Variants in SYCE2 observed in about 807,000 individuals in gnomAD.
SYCE2 encodes the protein synaptonemal complex central element protein 2, also known as central element synaptonemal complex 1.
A neutral mutation model predicts 27.9 loss-of-function variants in SYCE2; 3 were observed. The observed-to-expected ratio is 0.11, with a 90% CI of 0.05 to 0.28. SYCE2 has a LOEUF of 0.28. Among genes scored for constraint, SYCE2 ranks in the 10% least tolerant of loss-of-function variants. The probability of loss-of-function intolerance (pLI) is 1.00; values close to 1 mark genes in which losing one functional copy is unlikely to be tolerated. For missense variants in SYCE2, 207 were observed against 263.5 expected (o/e 0.79, Z 1.48); for synonymous variants, 85 against 100.7 (o/e 0.84, Z 0.93).
At position 12,918,306 on chromosome 19, in the gene SYCE2, T is replaced by C; in HGVS notation, c.47A>G (p.Gln16Arg). Residue 16 changes from glutamine to arginine, a missense_variant, in exon 2 of 6, where the codon CAG becomes CGG. By Grantham distance (43) the Gln-to-Arg change is conservative (BLOSUM62 1). Coordinates refer to ENST00000293695, the MANE Select transcript of SYCE2 (RefSeq NM_001105578.2). ...VDVPHVKCKD[Q>R]EPQPLGESKE... ...GCTCTCCCCCAAGGGCTGCGGTTCC[T>C]GGTCTTTGCATTTCACATGGGGCAC... 6.2e-7 allele frequency: 1 copy of C among 1,614,184 alleles called. No homozygotes were observed. Among genetic ancestry groups the C allele is most frequent in the South Asian group, 1.1e-5 (1 of 91,086 alleles).
At chr19:12,918,675 C>T (rs1449465700) in intron 1 of SYCE2, among the ~76,000 whole-genome samples, 2 of 152,056 alleles carry the variant, frequency 1.3e-5, no homozygotes, top group Non-Finnish European at 2.9e-5. Context: ...GAGATGAGGC[C>T]GGGCGCGGTG....
chr19:12,900,429 GGC>G, intron 4 of SYCE2, 29 bp downstream of exon 4: 2 of 1,604,388 alleles, frequency 1.2e-6, no homozygotes, highest in Non-Finnish European at 8.5e-7. Context: ...CTCTTCCTCA[GGC>G]AGCGCCCCCC....
At chr19:12,915,627 C>T (rs1315541573) in intron 2 of SYCE2, among the ~76,000 whole-genome samples, 3 of 151,192 alleles carry the variant, frequency 2.0e-5, no homozygotes, top group Non-Finnish European at 2.9e-5. Context: ...AAAGGTGAAC[C>T]GTATGCTATG....
Position 12,899,248 on chromosome 19 carries a change from A to G in SYCE2, c.*93T>C, listed in dbSNP as rs1970772995. 1 of 1,183,972 alleles carries G rather than the reference A, an allele frequency of 8.4e-7. No individual in the cohort carries two copies. Among genetic ancestry groups the G allele is most frequent in the Non-Finnish European group, 1.3e-6 (1 of 794,672 alleles). 73.3% of individuals were successfully genotyped at this position (1,183,972 alleles called of 1,614,324 possible). A position where few individuals can be genotyped will look rare whatever the true frequency, so the allele number is the denominator to read the frequency against. ...TTTTTCTGCCAAGATGCATTATAGA[A>G]CCATGAAAAACAATTTCTCAGTGTG... is the stretch of plus-strand genomic sequence containing the variant. On this transcript the variant is annotated 3_prime_UTR_variant, in exon 6 of 6. Coordinates refer to ENST00000293695, the MANE Select transcript of SYCE2 (RefSeq NM_001105578.2).
intron 2 of SYCE2, among the ~76,000 whole-genome samples, chr19:12,908,066 A>G (rs929061291): frequency 3.3e-5 from 5 of 151,798 alleles, no homozygotes; most frequent in Non-Finnish European, 5.9e-5. Flanking sequence ...AAGCTTGATC[A>G]TGCCACTGCA....
At chr19:12,905,257 C>T (rs963603702) in intron 2 of SYCE2, among the ~76,000 whole-genome samples, 1 of 152,160 alleles carries the variant, frequency 6.6e-6, no homozygotes, top group Non-Finnish European at 1.5e-5. Context: ...TCTGTCTGTC[C>T]CCAAAGCCCA....
intron 2 of SYCE2, among the ~76,000 whole-genome samples, chr19:12,910,957 G>A (rs1236136289): frequency 6.6e-6 from 1 of 151,968 alleles, no homozygotes; most frequent in Admixed American, 6.6e-5. Flanking sequence ...GATTACAGGC[G>A]TGAGCCACCG....
chr19:12,907,616 C>A (rs903929951), intron 2 of SYCE2, among the ~76,000 whole-genome samples: 15 of 151,870 alleles, frequency 9.9e-5, no homozygotes, highest in African/African-American at 2.9e-4. Context: ...CATGGTGAAA[C>A]CCCGTCTCTA....
At chr19:12,916,050 A>ATACTGCCAT (rs1317943436) in intron 2 of SYCE2, among the ~76,000 whole-genome samples, 1 of 149,848 alleles carries the variant, frequency 6.7e-6, no homozygotes, top group South Asian at 2.1e-4. Flanking sequence ...GCCAATCACA[A>ATACTGCCAT]TACTGCCATA....
Position 12,918,262 on chromosome 19 carries a change from C to T in SYCE2, c.91G>A (p.Glu31Lys), listed in dbSNP as rs752534758. The T allele has an allele frequency of 1.2e-6, 2 of 1,614,074 alleles. No individual in the cohort carries two copies. Among genetic ancestry groups the T allele is most frequent in the Non-Finnish European group, 1.7e-6 (2 of 1,180,032 alleles). The change falls in exon 2 of 6, where the codon GAA becomes AAA. Residue 31 changes from glutamate to lysine, a missense_variant. Transcript: ENST00000293695. ...CCAGCTTCCTCCTCGCAGTTCTCTT[C>T]CCACCGCGGATGCTCCTTGCTCTCC... ...LGESKEHPRWEENCEEEAGGG... is the reference protein window; with the variant it reads ...LGESKEHPRWKENCEEEAGGG...
chr19:12,904,981 G>T (rs1970905820), intron 2 of SYCE2, among the ~76,000 whole-genome samples: 2 of 151,468 alleles, frequency 1.3e-5, no homozygotes, highest in Non-Finnish European at 2.9e-5. Flanking sequence ...TCCAGCCTGG[G>T]TGACAGAGCG....
rs770370531 is a variant in SYCE2 at position 12,899,396 on chromosome 19, A to C, written c.613-11T>G. The C allele has an allele frequency of 1.9e-6, 3 of 1,614,018 alleles. No individual in the cohort carries two copies. Among genetic ancestry groups the C allele is most frequent in the Admixed American group, 1.7e-5 (1 of 59,976 alleles). ...TTCTGAAGCAGTGGCCTGGGGATAC[A>C]TGAAAATTGATTTTAAAGGGAAGTT... is the stretch of plus-strand genomic sequence containing the variant. On this transcript the variant is annotated splice_polypyrimidine_tract_variant and intron_variant, in intron 5 of 5. Transcript: ENST00000293695.
At chr19:12,899,558 C>A (rs899272832) in intron 5 of SYCE2, 173 bp from the exon 6 acceptor site, 6 of 1,614,100 alleles carry the variant, frequency 3.7e-6, no homozygotes. Flanking sequence ...CCATCAGGGG[C>A]CCGAAACTCT....
chr19:12,917,669 T>TTTTTTTTTG (rs1259265809), intron 2 of SYCE2, among the ~76,000 whole-genome samples: 1 of 141,728 alleles, frequency 7.1e-6, no homozygotes, highest in Non-Finnish European at 1.5e-5. Context: ...CTTTTTTTTT[T>TTTTTTTTTG]TTTTTTTGAG....
intron 2 of SYCE2, among the ~76,000 whole-genome samples, chr19:12,908,276 CT>C (rs34286819): frequency 0.54 from 46,054 of 85,522 alleles, 12,288 homozygotes; most frequent in East Asian, 0.77. Context: ...ATTTTCTGGG[CT>C]TTTTTTTTTT....
intron 2 of SYCE2, among the ~76,000 whole-genome samples, chr19:12,907,567 G>A (rs1016903298): frequency 6.6e-6 from 1 of 151,522 alleles, no homozygotes; most frequent in African/African-American, 2.4e-5. Flanking sequence ...GAGGCGGGTA[G>A]ATCACCAGAG....
At chr19:12,918,967 A>T (rs965247539) in intron 1 of SYCE2, among the ~76,000 whole-genome samples, 70 of 151,502 alleles carry the variant, frequency 4.6e-4, no homozygotes, top group African/African-American at 1.4e-3. Context: ...AAAAAAAAAA[A>T]GAAATGAAAG....
intron 2 of SYCE2, among the ~76,000 whole-genome samples, chr19:12,908,119 C>T (rs1190099982): frequency 7.9e-5 from 12 of 151,850 alleles, no homozygotes; most frequent in Non-Finnish European, 1.2e-4. Context: ...CCAGCCTGGG[C>T]GACAGAGTGA....
chr19:12,906,321 C>T (rs569389126), intron 2 of SYCE2: 2 of 152,134 alleles, frequency 1.3e-5, no homozygotes, highest in South Asian at 2.1e-4. Flanking sequence ...TAAAGAAATG[C>T]GCACACACAA....
Sources: allele counts gnomAD v4.1 joint callset (sites outside exome capture counted in the v4.1 genomes callset), GRCh38; gene constraint gnomAD v4.1.1; transcripts MANE v1.5; gene names NCBI Gene and HGNC (gene_info 2026-07-23, HGNC 2026-07-21).